The following ZMYM4 variants were observed in gnomAD, a reference collection of about 807,000 sequenced individuals.
ZMYM4 encodes the protein zinc finger MYM-type protein 4.
In ZMYM4, 31 loss-of-function variants were observed where a neutral mutation model predicts 183.2. That is an observed-to-expected ratio of 0.17 (90% CI 0.13 to 0.23). The LOEUF (loss-of-function observed/expected upper bound fraction) is 0.23. Ranked by LOEUF, ZMYM4 falls within the 10% of genes least tolerant of loss-of-function variation. The pLI, the probability that ZMYM4 is intolerant of heterozygous loss-of-function variation, is 1.00. For synonymous variants in ZMYM4, 592 were observed against 631.2 expected, an observed-to-expected ratio of 0.94 and a Z score of 0.93; for missense variants, 1,273 against 1,840.3, an observed-to-expected ratio of 0.69 and a Z score of 5.64.
intron 2 of ZMYM4, among the ~76,000 whole-genome samples, chr1:35,331,932 A>G (rs1486843846): frequency 6.6e-6 from 1 of 151,948 alleles, no homozygotes; most frequent in Non-Finnish European, 1.5e-5. Flanking sequence ...GAGGGTGGTA[A>G]AAGTATGTTG....
intron 2 of ZMYM4, chr1:35,350,816 C>A: frequency 2.0e-6 from 1 of 511,060 alleles, no homozygotes. Context: ...GATTACTATG[C>A]TTGGAAACGC....
chr1:35,410,904 A>C (rs1352270148), intron 26 of ZMYM4, among the ~76,000 whole-genome samples: 1 of 152,042 alleles, frequency 6.6e-6, no homozygotes, highest in Non-Finnish European at 1.5e-5. Flanking sequence ...ATCTACTGCC[A>C]CATTCAAGGG....
chr1:35,380,516 C>T lies in ZMYM4; in HGVS notation c.1182-743C>T, dbSNP rs564765991. Reference sequence around the variant, plus strand: ...CTAATTTTTTGTATTTTTAGAGAGACGGGGTTTCACCGTGTTAGCCAGGAT... The same window carrying T: ...CTAATTTTTTGTATTTTTAGAGAGATGGGGTTTCACCGTGTTAGCCAGGAT... On this transcript the variant is annotated intron_variant, in intron 7 of 29. Transcript: ENST00000314607. Among the ~76,000 whole-genome samples, 143 of 152,070 alleles carry T rather than the reference C, an allele frequency of 9.4e-4. 2 individuals are homozygous for T. In the South Asian group the frequency reaches 0.012, roughly 13 times the overall value.
intron 2 of ZMYM4, among the ~76,000 whole-genome samples, chr1:35,334,190 A>T (rs923551966): frequency 1.3e-5 from 2 of 152,122 alleles, no homozygotes; most frequent in Non-Finnish European, 2.9e-5. Context: ...TTGGGGGCAC[A>T]TGCCTGTAGT....
At chr1:35,392,751 T>C in intron 17 of ZMYM4, 67 bp downstream of exon 17, 2 of 1,221,050 alleles carry the variant, frequency 1.6e-6, no homozygotes, top group South Asian at 3.0e-5. Context: ...AGTATAAATA[T>C]GTGTGAACTA....
chr1:35,322,111 C>T (rs1642307205), intron 1 of ZMYM4, among the ~76,000 whole-genome samples: 1 of 152,096 alleles, frequency 6.6e-6, no homozygotes, highest in African/African-American at 2.4e-5. Flanking sequence ...CTATGTCTCT[C>T]TTCATTTTGT....
intron 1 of ZMYM4, among the ~76,000 whole-genome samples, chr1:35,299,495 G>A (rs1228360486): frequency 6.6e-6 from 1 of 152,128 alleles, no homozygotes; most frequent in Non-Finnish European, 1.5e-5. Flanking sequence ...TGGTTACTTG[G>A]TGTACACCCT....
In ZMYM4 at chr1:35,405,449, C is replaced by A; in HGVS notation, c.3777C>A (p.Ser1259=). 1 of 1,611,460 alleles carries A rather than the reference C, an allele frequency of 6.2e-7. No individual in the cohort carries two copies. The highest frequency in any genetic ancestry group is 8.5e-7 in the Non-Finnish European group (1 of 1,178,942). The change falls in exon 25 of 30, where the codon TCC becomes TCA. Residue 1259 remains serine, a synonymous_variant. Coordinates refer to ENST00000314607, the MANE Select transcript of ZMYM4 (RefSeq NM_005095.3). The stretch of plus-strand genomic sequence containing the variant: ...AAGACCATGCACTCTCTCAAGAATC[C>A]TCAGAGCCAGGCTGTAGAGGTAAAA... The part of the protein sequence containing the change: ...STQDHALSQE[S]SEPGCRVRSI...
intron 5 of ZMYM4, among the ~76,000 whole-genome samples, chr1:35,365,603 G>A (rs983748100): frequency 2.0e-5 from 3 of 152,112 alleles, no homozygotes; most frequent in Non-Finnish European, 4.4e-5. Flanking sequence ...GCCATATTGA[G>A]TTAATTTGGC....
Position 35,358,691 on chromosome 1 carries a change from G to A in ZMYM4, c.86-234G>A, listed in dbSNP as rs543206306. 192 of 413,832 alleles carry A rather than the reference G, an allele frequency of 4.6e-4. 5 individuals are homozygous for A. The South Asian group carries it at 7.2e-3, about 15-fold the overall frequency. 25.6% of individuals were successfully genotyped at this position (413,832 alleles called of 1,614,324 possible). On this transcript the variant is annotated intron_variant, in intron 2 of 29. Transcript: ENST00000314607. ...GTTGGTGCTCTTTTCTCTATATCAC[G>A]TAGCTTTCTTTTCTAACCTAAAGTA...
At chr1:35,378,252 T>G (rs1644377254) in intron 7 of ZMYM4, among the ~76,000 whole-genome samples, 1 of 152,226 alleles carries the variant, frequency 6.6e-6, no homozygotes, top group African/African-American at 2.4e-5. Flanking sequence ...AGTTACCTAC[T>G]TCCAAGCTCC....
chr1:35,345,097 C>T (rs1643343803), intron 2 of ZMYM4, among the ~76,000 whole-genome samples: 1 of 152,158 alleles, frequency 6.6e-6, no homozygotes, highest in African/African-American at 2.4e-5. Flanking sequence ...GCCACTGGCA[C>T]CTGTGACTGT....
At chr1:35,396,418 G>T (rs571130233) in intron 18 of ZMYM4, 134 bp from the exon 19 acceptor site, 108 of 1,231,322 alleles carry the variant, frequency 8.8e-5, no homozygotes, top group Non-Finnish European at 1.1e-4. Flanking sequence ...TTTCTCCTTT[G>T]TAAGAAGTCC....
intron 9 of ZMYM4, among the ~76,000 whole-genome samples, chr1:35,385,235 A>C (rs1294512831): frequency 1.3e-5 from 2 of 152,250 alleles, no homozygotes; most frequent in Non-Finnish European, 2.9e-5. Flanking sequence ...AAAACTTTTT[A>C]GTTTTATTAC....
intron 23 of ZMYM4, among the ~76,000 whole-genome samples, chr1:35,404,484 G>T (rs1644967133): frequency 6.6e-6 from 1 of 152,110 alleles, no homozygotes; most frequent in Non-Finnish European, 1.5e-5. Context: ...TTCCATCACA[G>T]AAATTTTGGT....
At chr1:35,294,588 A>G (rs557573170) in intron 1 of ZMYM4, among the ~76,000 whole-genome samples, 1 of 152,330 alleles carries the variant, frequency 6.6e-6, no homozygotes, top group African/African-American at 2.4e-5. Flanking sequence ...TCATGTCTAT[A>G]TAACAGTAGA....
At chr1:35,315,011 A>G (rs1641980930) in intron 1 of ZMYM4, among the ~76,000 whole-genome samples, 1 of 151,798 alleles carries the variant, frequency 6.6e-6, no homozygotes, top group Non-Finnish European at 1.5e-5. Flanking sequence ...GACAAGAGCA[A>G]GACTCCATCT....
chr1:35,412,125 C>T (rs995683203), intron 26 of ZMYM4, among the ~76,000 whole-genome samples: 2 of 151,920 alleles, frequency 1.3e-5, no homozygotes, highest in African/African-American at 2.4e-5. Flanking sequence ...GTGATCCGCC[C>T]GCCTTAGCCT....
rs778170268 is a variant in ZMYM4, at chr1:35,381,804, A to G, written c.1569+46A>G. On this transcript the variant is annotated intron_variant, in intron 9 of 29. Coordinates refer to ENST00000314607, the MANE Select transcript of ZMYM4 (RefSeq NM_005095.3). ...TTGATGTCTTTGTTCAGTTCAGGTA[A>G]TCTGTATTTTTAGTCAGAATTATTT... 1.9e-6 allele frequency: 3 copies of G among 1,590,276 alleles called. No homozygotes were observed. The South Asian group carries it at 3.4e-5, about 18-fold the overall frequency.
Sources: allele counts gnomAD v4.1 joint callset (sites outside exome capture counted in the v4.1 genomes callset), GRCh38; gene constraint gnomAD v4.1.1; transcripts MANE v1.5; gene names NCBI Gene and HGNC (gene_info 2026-07-23, HGNC 2026-07-21).